PDE10A: variants seen among roughly 807,000 people sequenced by gnomAD.
PDE10A encodes the protein cAMP and cAMP-inhibited cGMP 3',5'-cyclic phosphodiesterase 10A.
PDE10A carries 39 observed loss-of-function variants against 97.7 expected under a neutral mutation model. The observed-to-expected ratio is 0.40, with a 90% confidence interval of 0.31 to 0.52. The LOEUF is 0.52. Among genes scored for constraint, PDE10A ranks in the 20% least tolerant of loss-of-function variants. The pLI is 0.56. For synonymous variants in PDE10A, 371 were observed against 376.8 expected (o/e 0.98, Z 0.18); for missense variants, 731 against 1,047.8 (o/e 0.70, Z 4.17).
At chr6:165,614,994 G>A (rs926945811) in intron 1 of PDE10A, among the ~76,000 whole-genome samples, 7 of 151,982 alleles carry the variant, frequency 4.6e-5, no homozygotes, top group Non-Finnish European at 1.0e-4. Context: ...GGCAGATCAC[G>A]AGGTCAGGAG....
At chr6:165,417,465 A>G (rs1214828833) in intron 11 of PDE10A, among the ~76,000 whole-genome samples, 1 of 152,218 alleles carries the variant, frequency 6.6e-6, no homozygotes, top group Non-Finnish European at 1.5e-5. Context: ...TGAGAGTTAC[A>G]GTAAATCACA....
intron 5 of PDE10A, among the ~76,000 whole-genome samples, chr6:165,447,660 A>T (rs1199453823): frequency 1.3e-5 from 2 of 152,226 alleles, no homozygotes; most frequent in Non-Finnish European, 2.9e-5. Context: ...AGTAATATCC[A>T]TTTGTTATTT....
Position 165,418,446 on chromosome 6 carries a change from G to A in PDE10A, c.1796+189C>T, listed in dbSNP as rs1788472267. Among the ~76,000 whole-genome samples the A allele has an allele frequency of 6.6e-6, 1 of 152,156 alleles. No homozygotes were observed. The highest frequency in any genetic ancestry group is 1.5e-5 in the Non-Finnish European group (1 of 68,028). ...GGAGTGACGCTAAGGCTTCCTAGGC[G>A]CGGTTTCTCGGGCACTGCCTGCAAT... is the stretch of plus-strand genomic sequence containing the variant. On this transcript the variant is annotated intron_variant, in intron 11 of 21. Coordinates refer to ENST00000539869, the MANE Select transcript of PDE10A (RefSeq NM_001385079.1). This position sits in a 1 kb window ranked among gnomAD's most constrained non-coding sequence, Gnocchi z 4.8.
intron 6 of PDE10A, among the ~76,000 whole-genome samples, chr6:165,433,966 G>C (rs558985356): frequency 7.5e-6 from 1 of 133,376 alleles, no homozygotes; most frequent in East Asian, 2.2e-4. Context: ...GCAGTGAGCC[G>C]AGATCAAGCC....
At chr6:165,429,366 T>C (rs369366282) in intron 9 of PDE10A, among the ~76,000 whole-genome samples, 1 of 152,114 alleles carries the variant, frequency 6.6e-6, no homozygotes. Context: ...ACTCTTAAGA[T>C]AGACTGCACT....
chr6:165,576,227 T>C (rs998528191), intron 1 of PDE10A, among the ~76,000 whole-genome samples: 1 of 152,186 alleles, frequency 6.6e-6, no homozygotes, highest in African/African-American at 2.4e-5. Context: ...TCAATGATAC[T>C]GTAGGGGGCT....
chr6:165,680,846 T>G (rs1276797796), intron 1 of PDE10A, among the ~76,000 whole-genome samples: 1 of 152,190 alleles, frequency 6.6e-6, no homozygotes, highest in Non-Finnish European at 1.5e-5. Context: ...GTTGTGCCAT[T>G]GCACTCCAGC....
intron 1 of PDE10A, among the ~76,000 whole-genome samples, chr6:165,653,393 G>A (rs1789779464): frequency 6.6e-6 from 1 of 152,174 alleles, no homozygotes; most frequent in East Asian, 1.9e-4. Context: ...CGAAGCCTAG[G>A]AAGATGCAGG....
chr6:165,960,036 A>C (rs1784310380), intron 1 of PDE10A, among the ~76,000 whole-genome samples: 1 of 152,134 alleles, frequency 6.6e-6, no homozygotes, highest in African/African-American at 2.4e-5. Context: ...AACAAACCCA[A>C]CACATAGAAC....
intron 18 of PDE10A, among the ~76,000 whole-genome samples, chr6:165,343,910 T>A (rs117970622): frequency 2.9e-4 from 44 of 152,336 alleles, no homozygotes; most frequent in Non-Finnish European, 6.5e-4. Flanking sequence ...TTTCATTTTA[T>A]ATTAGCAAAG....
intron 1 of PDE10A, among the ~76,000 whole-genome samples, chr6:165,736,518 G>A (rs1366234609): frequency 2.0e-5 from 3 of 152,100 alleles, no homozygotes; most frequent in African/African-American, 4.8e-5. Context: ...CTGAACCCTC[G>A]TGCAAGGCTG....
intron 5 of PDE10A, among the ~76,000 whole-genome samples, chr6:165,444,862 T>C (rs1199715851): frequency 6.6e-6 from 1 of 152,172 alleles, no homozygotes; most frequent in African/African-American, 2.4e-5. Flanking sequence ...GCGAAGAAAT[T>C]CATACTTTAA....
intron 1 of PDE10A, among the ~76,000 whole-genome samples, chr6:165,788,319 G>C (rs774441030): frequency 6.6e-6 from 1 of 151,746 alleles, no homozygotes; most frequent in African/African-American, 2.4e-5. Context: ...GGAGTTGGAG[G>C]CCACCCTGAC....
At position 165,543,581 on chromosome 6, in the gene PDE10A, T is replaced by A; in HGVS notation, c.866-13A>T. On this transcript the variant is annotated splice_polypyrimidine_tract_variant and intron_variant, in intron 1 of 21. Transcript: ENST00000539869. ...TCATCTGTCAAACCTGTAAAAGAATTGAAAAGAATAAAATTCACCTATACA... is the reference window on the plus strand; with the variant it reads ...TCATCTGTCAAACCTGTAAAAGAATAGAAAAGAATAAAATTCACCTATACA... The A allele has an allele frequency of 6.3e-7, 1 of 1,597,558 alleles. No individual in the cohort carries two copies. Among genetic ancestry groups the A allele is most frequent in the Non-Finnish European group, 8.5e-7 (1 of 1,170,596 alleles).
At chr6:165,856,076 A>G (rs1780724937) in intron 1 of PDE10A, among the ~76,000 whole-genome samples, 1 of 152,138 alleles carries the variant, frequency 6.6e-6, no homozygotes, top group Non-Finnish European at 1.5e-5. Flanking sequence ...TGGGGCATCG[A>G]GGAGTCCCTG....
intron 1 of PDE10A, among the ~76,000 whole-genome samples, chr6:165,935,398 T>A (rs1783289940): frequency 6.6e-6 from 1 of 152,200 alleles, no homozygotes; most frequent in African/African-American, 2.4e-5. Context: ...ACCTTGACTT[T>A]GTCTTATAGC....
intron 1 of PDE10A, among the ~76,000 whole-genome samples, chr6:165,676,040 C>G (rs1203317011): frequency 1.3e-5 from 2 of 152,162 alleles, no homozygotes; most frequent in African/African-American, 4.8e-5. Flanking sequence ...ATGGAAGACT[C>G]CTTAGCCATA....
intron 1 of PDE10A, among the ~76,000 whole-genome samples, chr6:165,718,649 C>G (rs1335755449): frequency 1.3e-5 from 2 of 151,338 alleles, no homozygotes; most frequent in African/African-American, 2.4e-5. Context: ...CCCACCTTTT[C>G]CCCCCGGACG....
chr6:165,907,165 G>C (rs1465843423), intron 1 of PDE10A, among the ~76,000 whole-genome samples: 1 of 152,234 alleles, frequency 6.6e-6, no homozygotes, highest in Non-Finnish European at 1.5e-5. Context: ...CATGGTGATG[G>C]GGCCAAAACC....
Sources: allele counts gnomAD v4.1 joint callset (sites outside exome capture counted in the v4.1 genomes callset), GRCh38; gene constraint gnomAD v4.1.1; non-coding constraint Gnocchi (gnomAD v3.1); transcripts MANE v1.5; gene names NCBI Gene and HGNC (gene_info 2026-07-23, HGNC 2026-07-21).